Variants in COLEC12 observed in about 807,000 individuals in gnomAD.
COLEC12 encodes the protein collectin-12.
COLEC12 carries 33 observed loss-of-function variants against 71.1 expected under a neutral mutation model. That is an observed-to-expected ratio of 0.46 (90% CI 0.35 to 0.62). The LOEUF (loss-of-function observed/expected upper bound fraction) is 0.62, where lower values mean the gene tolerates loss of function less well. COLEC12 is among the 20% of genes least tolerant of loss of function. The pLI, the probability that COLEC12 is intolerant of heterozygous loss-of-function variation, is 0.00. For missense variants in COLEC12, 765 were observed against 916.1 expected (o/e 0.84, Z 2.13); for synonymous variants, 350 against 353.0 (o/e 0.99, Z 0.10).
chr18:393,649 A>C (rs9957928), intron 2 of COLEC12, among the ~76,000 whole-genome samples: 62,935 of 152,034 alleles, frequency 0.41, 13,301 homozygotes, highest in Non-Finnish European at 0.46. Context: ...TGTCTTTTAG[A>C]TAAGTGAAAT....
At chr18:419,171 CTATTCTATT>C (rs1264501110) in intron 2 of COLEC12, among the ~76,000 whole-genome samples, 1 of 139,132 alleles carries the variant, frequency 7.2e-6, no homozygotes, top group African/African-American at 3.3e-5. Context: ...CTATTCTATT[CTATTCTATT>C]CTATTCTATT....
At chr18:455,586 A>G (rs540249752) in intron 2 of COLEC12, among the ~76,000 whole-genome samples, 2 of 152,100 alleles carry the variant, frequency 1.3e-5, no homozygotes, top group South Asian at 4.2e-4. Context: ...CCATCAACCC[A>G]TCATCTAGGT....
intron 2 of COLEC12, among the ~76,000 whole-genome samples, chr18:471,287 AT>A (rs11367097): frequency 0.79 from 120,010 of 152,018 alleles, 47,610 homozygotes; most frequent in East Asian, 0.98. Flanking sequence ...ACAATGTTTC[AT>A]TGTGGCAAGA....
chr18:461,924 T>C (rs912758836), intron 2 of COLEC12, among the ~76,000 whole-genome samples: 3 of 152,292 alleles, frequency 2.0e-5, no homozygotes, highest in East Asian at 3.9e-4. Context: ...CCAAAGTGTA[T>C]TGAGATGTAC....
intron 9 of COLEC12, among the ~76,000 whole-genome samples, chr18:321,333 C>T (rs538044039): frequency 1.1e-4 from 16 of 152,318 alleles, no homozygotes; most frequent in East Asian, 3.9e-4. Flanking sequence ...GGATTACAGG[C>T]GTGAGCCACC....
chr18:338,194 C>A (rs1208846624), intron 5 of COLEC12, among the ~76,000 whole-genome samples: 2 of 152,224 alleles, frequency 1.3e-5, no homozygotes, highest in Non-Finnish European at 2.9e-5. Context: ...GGCATCCTCC[C>A]AGGCCACTTC....
chr18:329,032 G>C (rs141210658), intron 8 of COLEC12, among the ~76,000 whole-genome samples: 22 of 152,292 alleles, frequency 1.4e-4, no homozygotes, highest in African/African-American at 3.6e-4. Context: ...GGTGGCTGGG[G>C]TGCAGAAGCT....
chr18:335,205 T>G lies in COLEC12; in HGVS notation c.1353A>C (p.Arg451Ser). ...GGGGTCCCTGGGATCCTCTGTCACC[T>G]CTTGGACCCCTGGGGCCCGGTGGAC... ...LQGPPGPRGPRGDRGSQGPPG... is the reference protein window; with the variant it reads ...LQGPPGPRGPSGDRGSQGPPG... The change falls in exon 6 of 10, where the codon AGA becomes AGC. Residue 451 changes from arginine (R) to serine (S), a missense_variant. Physicochemically the swap from Arg to Ser is moderately radical, Grantham distance 110. Coordinates refer to ENST00000400256, the MANE Select transcript of COLEC12 (RefSeq NM_130386.3). 6.2e-7 allele frequency: 1 copy of G among 1,604,818 alleles called. No individual in the cohort carries two copies. Among genetic ancestry groups the G allele is most frequent in the Non-Finnish European group, 8.5e-7 (1 of 1,177,192 alleles).
chr18:318,117 CA>C lies in COLEC12; in HGVS notation c.*1927del, dbSNP rs1913593359. The C allele has an allele frequency of 4.1e-4, 1 of 2,420 alleles. No homozygotes were observed. The highest frequency in any genetic ancestry group is 0.042 in the Non-Finnish European group (1 of 24). 0.1% of individuals were successfully genotyped at this position (2,420 alleles called of 1,614,324 possible). ...TCAGCCTCCCGAGTAGCTGGGACTACAGGCGCCCGCCACCGCGCCCGGCTAA... is the reference window on the plus strand; with the variant it reads ...TCAGCCTCCCGAGTAGCTGGGACTACGGCGCCCGCCACCGCGCCCGGCTAA... On this transcript the variant is annotated 3_prime_UTR_variant, in exon 10 of 10. Transcript: ENST00000400256.
intron 2 of COLEC12, among the ~76,000 whole-genome samples, chr18:397,207 T>C (rs1204527653): frequency 6.6e-6 from 1 of 152,204 alleles, no homozygotes; most frequent in East Asian, 1.9e-4. Context: ...CAGACTTTGT[T>C]TGCAGGCAGG....
At chr18:423,764 T>C (rs1284081899) in intron 2 of COLEC12, 3 of 151,412 alleles carry the variant, frequency 2.0e-5, no homozygotes, top group Admixed American at 2.0e-4. Context: ...TTTTGTTTTG[T>C]TTTTTTTTCC....
intron 2 of COLEC12, among the ~76,000 whole-genome samples, chr18:440,362 CACACACACACACACAT>C (rs1040818976): frequency 7.2e-4 from 67 of 92,938 alleles, no homozygotes; most frequent in African/African-American, 2.4e-3. Flanking sequence ...ATGTTCTCAA[CACACACACACACACAT>C]ACACACACAC....
At chr18:427,770 G>C (rs1916225709) in intron 2 of COLEC12, among the ~76,000 whole-genome samples, 1 of 152,080 alleles carries the variant, frequency 6.6e-6, no homozygotes, top group Non-Finnish European at 1.5e-5. Flanking sequence ...CAAACACCCA[G>C]CACTATCCCA....
In COLEC12 at chr18:346,231, T is replaced by A; in HGVS notation, c.1327+64A>T. 1 of 1,244,748 alleles carries A rather than the reference T, an allele frequency of 8.0e-7. No homozygotes were observed. Among genetic ancestry groups the A allele is most frequent in the Admixed American group, 2.2e-5 (1 of 46,282 alleles). The allele number at this position is 1,244,748 out of a possible 1,614,324, so 77.1% of individuals were successfully genotyped here. A position where few individuals can be genotyped will look rare whatever the true frequency, so the allele number is the denominator to read the frequency against. On this transcript the variant is annotated intron_variant, in intron 5 of 9. Coordinates refer to ENST00000400256, the MANE Select transcript of COLEC12 (RefSeq NM_130386.3). This position sits in a 1 kb window ranked among gnomAD's most constrained non-coding sequence, Gnocchi z 4.0. Reference sequence around the variant, plus strand: ...TTTATTGTTTTAAATTGCCAAGTTTTAGAGTAACTTGTTATGCAGCAATAA... The same window carrying A: ...TTTATTGTTTTAAATTGCCAAGTTTAAGAGTAACTTGTTATGCAGCAATAA...
chr18:498,419 G>T (rs2143801987), intron 1 of COLEC12, among the ~76,000 whole-genome samples: 1 of 147,556 alleles, frequency 6.8e-6, no homozygotes, highest in African/African-American at 2.5e-5. Context: ...GAGTGCAATG[G>T]CTCGATCTCG....
intron 2 of COLEC12, among the ~76,000 whole-genome samples, chr18:421,334 A>T (rs2846651): frequency 6.6e-6 from 1 of 151,926 alleles, no homozygotes; most frequent in Non-Finnish European, 1.5e-5. Flanking sequence ...CCCTACGATC[A>T]GTAGAAGTCA....
intron 8 of COLEC12, among the ~76,000 whole-genome samples, chr18:324,852 A>G (rs1417356520): frequency 6.6e-6 from 1 of 152,108 alleles, no homozygotes; most frequent in African/African-American, 2.4e-5. Context: ...AGGATTTAGA[A>G]TATAGGACCA....
chr18:485,529 AG>A (rs1408740134), intron 1 of COLEC12, among the ~76,000 whole-genome samples: 2 of 152,186 alleles, frequency 1.3e-5, no homozygotes, highest in Non-Finnish European at 2.9e-5. Context: ...TTAATCCTAC[AG>A]GCTATGTTAT....
intron 3 of COLEC12, among the ~76,000 whole-genome samples, chr18:350,140 A>C (rs1397827290): frequency 6.6e-6 from 1 of 152,210 alleles, no homozygotes; most frequent in African/African-American, 2.4e-5. Context: ...CTCATCTTGA[A>C]TTATATCTCC....
Sources: allele counts gnomAD v4.1 joint callset (sites outside exome capture counted in the v4.1 genomes callset), GRCh38; gene constraint gnomAD v4.1.1; non-coding constraint Gnocchi (gnomAD v3.1); transcripts MANE v1.5; gene names NCBI Gene and HGNC (gene_info 2026-07-23, HGNC 2026-07-21).